The following ZNF425 variants were observed in gnomAD, a reference collection of about 807,000 sequenced individuals.
ZNF425 encodes zinc finger protein 425.
A neutral mutation model predicts 17.0 loss-of-function variants in ZNF425; 21 were observed. That is an observed-to-expected ratio of 1.23 (90% CI 0.88 to 1.78). The LOEUF (loss-of-function observed/expected upper bound fraction) is 1.78. ZNF425 is among the 40% of genes most tolerant of loss of function. The pLI, the probability that ZNF425 is intolerant of heterozygous loss-of-function variation, is 0.00. For synonymous variants in ZNF425, 433 were observed against 384.1 expected, an observed-to-expected ratio of 1.13 and a Z score of -1.49; for missense variants, 868 against 967.3, an observed-to-expected ratio of 0.90 and a Z score of 1.36.
At chr7:149,124,477 G>A (rs557883095) in intron 1 of ZNF425, among the ~76,000 whole-genome samples, 4 of 151,856 alleles carry the variant, frequency 2.6e-5, no homozygotes, top group Admixed American at 2.0e-4. Context: ...TTTACAATGT[G>A]ATTTCAACCA....
At chr7:149,123,678 C>T (rs1298855205) in intron 1 of ZNF425, among the ~76,000 whole-genome samples, 2 of 151,812 alleles carry the variant, frequency 1.3e-5, no homozygotes, top group African/African-American at 4.8e-5. Context: ...TTTACAGGAG[C>T]GCGCCACCAC....
At chr7:149,125,203 G>A (rs948995483) in intron 1 of ZNF425, among the ~76,000 whole-genome samples, 2 of 152,158 alleles carry the variant, frequency 1.3e-5, no homozygotes, top group African/African-American at 2.4e-5. Flanking sequence ...ATGCAAATAA[G>A]GAGCATTACA....
At position 149,104,339 on chromosome 7, in the gene ZNF425, G is replaced by A. The variant is rs768065441; in HGVS notation, c.1532C>T (p.Ser511Leu). The change falls in exon 4 of 4, where the codon TCG (serine) becomes TTG (leucine). Residue 511 changes from serine (S) to leucine (L), a missense_variant. Transcript: ENST00000378061. The surrounding 1 kb of genome is among the most constrained non-coding windows in gnomAD (Gnocchi z 4.3). ...GECKKTFSQQ[S>L]RLTQHLKVHT... ...GACCTTCAGGTGCTGCGTGAGCCGC[G>A]ACTGCTGAGAAAAGGTCTTTTTGCA... 1 of 1,613,202 alleles carries A rather than the reference G, an allele frequency of 6.2e-7. No homozygotes were observed. The highest frequency in any genetic ancestry group is 8.5e-7 in the Non-Finnish European group (1 of 1,179,948).
rs1019760283 is a variant in ZNF425 at position 149,103,176 on chromosome 7, A to G, written c.*436T>C. 1 of 159,216 alleles carries G rather than the reference A, an allele frequency of 6.3e-6. No homozygotes were observed. Among genetic ancestry groups the G allele is most frequent in the African/African-American group, 2.4e-5 (1 of 41,574 alleles). The allele number at this position is 159,216 out of a possible 1,614,324, so 9.9% of individuals were successfully genotyped here. Reference sequence around the variant, plus strand: ...TTGTCAAGGAGCCATAGAGTTCTGCAGACCACACACCTGTCCAGTGTGTCT... The same window carrying G: ...TTGTCAAGGAGCCATAGAGTTCTGCGGACCACACACCTGTCCAGTGTGTCT... On this transcript the variant is annotated 3_prime_UTR_variant, in exon 4 of 4. Coordinates refer to ENST00000378061, the MANE Select transcript of ZNF425 (RefSeq NM_001001661.3).
rs771331854 is a variant in ZNF425, at chr7:149,104,979, C to T, written c.892G>A (p.Gly298Arg). Reference protein sequence around the residue: ...NLKKHLCLHRGERPFCCGECG... With the variant: ...NLKKHLCLHRRERPFCCGECG... The stretch of plus-strand genomic sequence containing the variant: ...TCCCCGCAGCAGAACGGCCGCTCCC[C>T]GCGGTGTAGACACAGGTGCTTCTTC... The change falls in exon 4 of 4, where the codon GGG becomes AGG. Residue 298 changes from glycine (G) to arginine (R), a missense_variant. By Grantham distance (125) the Gly-to-Arg change is moderately radical. Coordinates refer to ENST00000378061, the MANE Select transcript of ZNF425 (RefSeq NM_001001661.3). The surrounding 1 kb of genome is among the most constrained non-coding windows in gnomAD (Gnocchi z 4.3). 6 of 1,614,188 alleles carry T rather than the reference C, an allele frequency of 3.7e-6. No individual in the cohort carries two copies. In the South Asian group the frequency reaches 6.6e-5, roughly 18 times the overall value.
chr7:149,104,382 CCTT>C lies in ZNF425; in HGVS notation c.1486_1488del (p.Lys496del), dbSNP rs1381193615. The C allele has an allele frequency of 1.9e-6, 3 of 1,609,876 alleles. No individual in the cohort carries two copies. The highest frequency in any genetic ancestry group is 1.3e-5 in the African/African-American group (1 of 74,828). On this transcript the variant is annotated inframe_deletion, in exon 4 of 4. Transcript: ENST00000378061. The surrounding 1 kb of genome is among the most constrained non-coding windows in gnomAD (Gnocchi z 4.3). ...TTTTTGCACTCGCCGCAGGGAAACT[CCTT>C]CTGCCTGTCGTGGACTCTGGTGTGG... is the stretch of plus-strand genomic sequence containing the variant.
At chr7:149,114,243 TTG>T (rs1303096586) in intron 2 of ZNF425, among the ~76,000 whole-genome samples, 4 of 32,054 alleles carry the variant, frequency 1.2e-4, no homozygotes, top group African/African-American at 2.3e-4. Flanking sequence ...TTTTTTTTTT[TTG>T]GTATTTTTAG....
chr7:149,107,353 TC>T (rs386419889), intron 3 of ZNF425, among the ~76,000 whole-genome samples: 7,393 of 136,010 alleles, frequency 0.054, 234 homozygotes, highest in African/African-American at 0.082. Context: ...TTATTTTTTT[TC>T]TGAGACAGAG....
Position 149,104,793 on chromosome 7 carries a change from A to G in ZNF425, c.1078T>C (p.Cys360Arg). The G allele has an allele frequency of 6.2e-7, 1 of 1,613,746 alleles. No homozygotes were observed. The highest frequency in any genetic ancestry group is 8.5e-7 in the Non-Finnish European group (1 of 1,179,986). Residue 360 changes from cysteine (C) to arginine (R), a missense_variant, in exon 4 of 4, where the codon TGT becomes CGT. Cys to Arg is a radical substitution (Grantham distance 180). Coordinates refer to ENST00000378061, the MANE Select transcript of ZNF425 (RefSeq NM_001001661.3). This position sits in a 1 kb window ranked among gnomAD's most constrained non-coding sequence, Gnocchi z 4.3. ...TQHSGKRPFH[C>R]PECGRSFSRK... Reference sequence around the variant, plus strand: ...GAGAAGCTCCGGCCACACTCGGGACAGTGGAAGGGCCTCTTCCCGCTGTGC... The same window carrying G: ...GAGAAGCTCCGGCCACACTCGGGACGGTGGAAGGGCCTCTTCCCGCTGTGC...
chr7:149,111,269 C>T (rs1003018358), intron 3 of ZNF425, among the ~76,000 whole-genome samples: 34 of 150,878 alleles, frequency 2.3e-4, no homozygotes, highest in African/African-American at 7.8e-4. Flanking sequence ...GCCAATATGG[C>T]GAAACACTGT....
chr7:149,116,940 A>T (rs1425666719), intron 2 of ZNF425, among the ~76,000 whole-genome samples: 1 of 152,132 alleles, frequency 6.6e-6, no homozygotes, highest in African/African-American at 2.4e-5. Context: ...CTAGACTGAG[A>T]TCACTTATTA....
chr7:149,107,069 T>C (rs905190586), intron 3 of ZNF425, among the ~76,000 whole-genome samples: 3 of 147,976 alleles, frequency 2.0e-5, no homozygotes, highest in African/African-American at 7.5e-5. Flanking sequence ...ATCACACCAC[T>C]GTACTCCAGC....
Position 149,104,150 on chromosome 7 carries a change from C to A in ZNF425, c.1721G>T (p.Arg574Leu), listed in dbSNP as rs376723924. 3 of 1,613,394 alleles carry A rather than the reference C, an allele frequency of 1.9e-6. No homozygotes were observed. The highest frequency in any genetic ancestry group is 4.5e-5 in the East Asian group (2 of 44,832). Reference protein sequence around the residue: ...SWKASMKFHQRMHRDEKPFAC... With the variant: ...SWKASMKFHQLMHRDEKPFAC... ...GAAGGGCTTCTCGTCCCTGTGCATC[C>A]GCTGGTGGAACTTCATGGAGGCCTT... Residue 574 changes from arginine (R) to leucine (L), a missense_variant, in exon 4 of 4, where the codon CGG (arginine) becomes CTG (leucine). Transcript: ENST00000378061. This position sits in a 1 kb window ranked among gnomAD's most constrained non-coding sequence, Gnocchi z 4.3.
chr7:149,114,926 CTTTT>C (rs1357510548), intron 2 of ZNF425, among the ~76,000 whole-genome samples: 2 of 131,402 alleles, frequency 1.5e-5, no homozygotes, highest in Non-Finnish European at 3.2e-5. Flanking sequence ...TCTTTTCTTT[CTTTT>C]CTTTTTTTTT....
At chr7:149,115,100 A>AT (rs71192755) in intron 2 of ZNF425, among the ~76,000 whole-genome samples, 8,206 of 123,838 alleles carry the variant, frequency 0.066, 446 homozygotes, top group African/African-American at 0.13. Flanking sequence ...ACGCTGGCTA[A>AT]TTTTTTTTTT....
chr7:149,120,151 C>T (rs771897210), intron 1 of ZNF425, among the ~76,000 whole-genome samples: 92 of 152,180 alleles, frequency 6.0e-4, no homozygotes, highest in Non-Finnish European at 1.1e-3. Context: ...AATCCCAGTA[C>T]TTTGGGAGAC....
chr7:149,112,272 A>G lies in ZNF425; in HGVS notation c.169T>C (p.Leu57=). ...CTCCCTTGTTCCATCCATGTGATCAAATCTGGCTTGGAAAAAGCATACCCT... is the reference window on the plus strand; with the variant it reads ...CTCCCTTGTTCCATCCATGTGATCAGATCTGGCTTGGAAAAAGCATACCCT... The part of the protein sequence containing the change: ...SLGYAFSKPD[L]ITWMEQGRML... The change falls in exon 3 of 4, where the codon TTG becomes CTG. Residue 57 remains leucine (L), a synonymous_variant. Coordinates refer to ENST00000378061, the MANE Select transcript of ZNF425 (RefSeq NM_001001661.3). 1 of 1,613,884 alleles carries G rather than the reference A, an allele frequency of 6.2e-7. No individual in the cohort carries two copies. Among genetic ancestry groups the G allele is most frequent in the African/African-American group, 1.3e-5 (1 of 75,046 alleles).
chr7:149,112,075 A>G, intron 3 of ZNF425, 62 bp downstream of exon 3: 24 of 1,526,152 alleles, frequency 1.6e-5, no homozygotes, highest in Non-Finnish European at 2.1e-5. Context: ...CCAAAAAGAA[A>G]GATTCAGGAA....
chr7:149,114,202 G>C (rs1179404670), intron 2 of ZNF425, among the ~76,000 whole-genome samples: 4 of 149,374 alleles, frequency 2.7e-5, no homozygotes, highest in African/African-American at 9.8e-5. Flanking sequence ...GGGACTACAG[G>C]GGTGCAACAC....
Sources: gnomAD v4.1 joint callset for allele counts (sites outside exome capture counted in the v4.1 genomes callset) on GRCh38, gnomAD v4.1.1 for gene constraint, Gnocchi (gnomAD v3.1) non-coding constraint, MANE v1.5 for transcripts, NCBI Gene and HGNC (gene_info 2026-07-23, HGNC 2026-07-21) for gene names.